CNTN5: variants seen among roughly 807,000 people sequenced by gnomAD.
CNTN5 encodes the protein contactin 5, also known as contactin-5.
In CNTN5, 77 loss-of-function variants were observed where a neutral mutation model predicts 129.1. The observed-to-expected ratio is 0.60, with a 90% CI of 0.50 to 0.72. CNTN5 has a LOEUF of 0.72. Ranked by LOEUF, CNTN5 falls within the 30% of genes least tolerant of loss-of-function variation. The pLI, the probability that CNTN5 is intolerant of heterozygous loss-of-function variation, is 0.00. For missense variants in CNTN5, 1,478 were observed against 1,328.8 expected (o/e 1.11, Z -1.75); for synonymous variants, 509 against 465.6 (o/e 1.09, Z -1.20).
intron 21 of CNTN5, among the ~76,000 whole-genome samples, chr11:100,326,719 GTAA>G (rs1306610511): frequency 3.3e-5 from 5 of 152,128 alleles, no homozygotes; most frequent in Non-Finnish European, 7.3e-5. Flanking sequence ...TGTGATAGTT[GTAA>G]TAATAATTAT....
intron 15 of CNTN5, among the ~76,000 whole-genome samples, chr11:100,203,061 T>A (rs1187130296): frequency 6.6e-6 from 1 of 152,122 alleles, no homozygotes; most frequent in Non-Finnish European, 1.5e-5. Context: ...CATCTGTTAC[T>A]ACTATACTTA....
At chr11:99,372,650 A>T (rs368323979) in intron 2 of CNTN5, among the ~76,000 whole-genome samples, 1 of 152,204 alleles carries the variant, frequency 6.6e-6, no homozygotes, top group Admixed American at 6.5e-5. Flanking sequence ...TCAGTGCCTA[A>T]TGAAGCTATA....
chr11:99,794,662 A>C (rs1945869938), intron 3 of CNTN5, among the ~76,000 whole-genome samples: 1 of 151,792 alleles, frequency 6.6e-6, no homozygotes, highest in African/African-American at 2.4e-5. Context: ...AAAGAATCTT[A>C]TTTTTCCTTT....
At chr11:99,035,893 T>C (rs1863697763) in intron 1 of CNTN5, among the ~76,000 whole-genome samples, 1 of 152,038 alleles carries the variant, frequency 6.6e-6, no homozygotes, top group South Asian at 2.1e-4. Flanking sequence ...TGGCATGATT[T>C]TGCAGCGGCT....
intron 8 of CNTN5, among the ~76,000 whole-genome samples, chr11:99,983,456 A>G (rs1030687238): frequency 6.6e-6 from 1 of 152,226 alleles, no homozygotes; most frequent in Non-Finnish European, 1.5e-5. Context: ...AGGGGATTCA[A>G]ATTTTGCCTT....
intron 1 of CNTN5, among the ~76,000 whole-genome samples, chr11:99,033,276 T>G (rs1031524432): frequency 6.6e-6 from 1 of 151,998 alleles, no homozygotes; most frequent in African/African-American, 2.4e-5. Flanking sequence ...CATATGAACT[T>G]TAAAGTAGTT....
intron 15 of CNTN5, among the ~76,000 whole-genome samples, chr11:100,195,033 C>T (rs554538424): frequency 6.6e-6 from 1 of 151,926 alleles, no homozygotes; most frequent in Non-Finnish European, 1.5e-5. Context: ...TTAAATTAAA[C>T]ACATTTTGCT....
intron 3 of CNTN5, among the ~76,000 whole-genome samples, chr11:99,620,671 G>C (rs891191372): frequency 6.6e-6 from 1 of 151,954 alleles, no homozygotes; most frequent in Non-Finnish European, 1.5e-5. Flanking sequence ...ATATCAAATA[G>C]TGGGCATAGA....
chr11:99,766,562 A>G (rs535478550), intron 3 of CNTN5, among the ~76,000 whole-genome samples: 2 of 152,138 alleles, frequency 1.3e-5, no homozygotes, highest in South Asian at 2.1e-4. Flanking sequence ...CCCCTTATCA[A>G]AAGAGAATAT....
At chr11:99,739,670 CT>C (rs1373284015) in intron 3 of CNTN5, among the ~76,000 whole-genome samples, 1 of 152,074 alleles carries the variant, frequency 6.6e-6, no homozygotes, top group Non-Finnish European at 1.5e-5. Context: ...ACAGTGCCCC[CT>C]GATGGGAAGA....
In CNTN5 at chr11:99,376,211, G is replaced by A. The variant is rs545863183; in HGVS notation, c.-71+50727G>A. ...AGTCTCAGTGTACCTTTTGTTCCAG[G>A]GACCCAATGTATCAATGACCTTCTG... On this transcript the variant is annotated intron_variant, in intron 2 of 24. Coordinates refer to ENST00000524871, the MANE Select transcript of CNTN5 (RefSeq NM_014361.4). Among the ~76,000 whole-genome samples, 44 of 152,168 alleles carry A rather than the reference G, an allele frequency of 2.9e-4. No homozygotes were observed. In the South Asian group the frequency reaches 8.7e-3, roughly 30 times the overall value.
intron 13 of CNTN5, among the ~76,000 whole-genome samples, chr11:100,139,169 TG>T (rs1216788916): frequency 6.6e-6 from 1 of 152,084 alleles, no homozygotes; most frequent in Non-Finnish European, 1.5e-5. Context: ...ATATATACAT[TG>T]GTAGCAGGAG....
At chr11:99,727,651 A>G (rs1032140160) in intron 3 of CNTN5, among the ~76,000 whole-genome samples, 4 of 152,076 alleles carry the variant, frequency 2.6e-5, no homozygotes, top group African/African-American at 9.7e-5. Context: ...CAAACCTCCC[A>G]CCAGAAAAAC....
chr11:99,792,573 G>GTGTGTC (rs34622017), intron 3 of CNTN5, among the ~76,000 whole-genome samples: 3,930 of 116,594 alleles, frequency 0.034, 75 homozygotes, highest in Middle Eastern at 0.071. Flanking sequence ...GTGTGTGTGT[G>GTGTGTC]TGTCTGTCTG....
chr11:100,035,297 A>T (rs11222458), intron 9 of CNTN5, among the ~76,000 whole-genome samples: 43,734 of 146,128 alleles, frequency 0.3, 6,971 homozygotes, highest in East Asian at 0.47. Context: ...AAGGACATGA[A>T]CTCATCATTT....
intron 3 of CNTN5, among the ~76,000 whole-genome samples, chr11:99,814,377 G>A (rs895763019): frequency 1.3e-5 from 2 of 152,124 alleles, no homozygotes; most frequent in Admixed American, 1.3e-4. Context: ...TGAGGAGAGA[G>A]GCTAAGATGT....
chr11:99,061,506 T>A (rs1164540552), intron 1 of CNTN5, among the ~76,000 whole-genome samples: 1 of 152,068 alleles, frequency 6.6e-6, no homozygotes, highest in Non-Finnish European at 1.5e-5. Flanking sequence ...GACCTTGGCT[T>A]CTACCTATTG....
intron 2 of CNTN5, among the ~76,000 whole-genome samples, chr11:99,345,998 G>C (rs979783959): frequency 6.6e-6 from 1 of 152,110 alleles, no homozygotes; most frequent in Admixed American, 6.5e-5. Flanking sequence ...AAATAAAGAT[G>C]AAAAATAGTT....
rs146986778 is a variant in CNTN5 at position 99,452,533 on chromosome 11, C to A, written c.-70-103612C>A. Among the ~76,000 whole-genome samples, 296 of 151,952 alleles carry A rather than the reference C, an allele frequency of 1.9e-3. 2 individuals are homozygous for A. Among genetic ancestry groups the A allele is most frequent in the African/African-American group, 6.7e-3 (278 of 41,436 alleles). On this transcript the variant is annotated intron_variant, in intron 2 of 24. Coordinates refer to ENST00000524871, the MANE Select transcript of CNTN5 (RefSeq NM_014361.4). ...GACTACAGGTGCCCGCCACCACACCCGGCTAATTTTTTGCATTTTTAGTAG... is the reference window on the plus strand; with the variant it reads ...GACTACAGGTGCCCGCCACCACACCAGGCTAATTTTTTGCATTTTTAGTAG...
Sources: gnomAD v4.1 joint callset for allele counts (sites outside exome capture counted in the v4.1 genomes callset) on GRCh38, gnomAD v4.1.1 for gene constraint, MANE v1.5 for transcripts, NCBI Gene and HGNC (gene_info 2026-07-23, HGNC 2026-07-21) for gene names.